The following RBPMS variants were observed in gnomAD, a reference collection of about 807,000 sequenced individuals.
RBPMS encodes RNA binding protein, mRNA processing factor, also known as RNA-binding protein with multiple splicing.
A neutral mutation model predicts 26.8 loss-of-function variants in RBPMS; 7 were observed. That is an observed-to-expected ratio of 0.26 (90% CI 0.15 to 0.49). The LOEUF (loss-of-function observed/expected upper bound fraction) is 0.49, where lower values mean the gene tolerates loss of function less well. RBPMS is among the 20% of genes least tolerant of loss of function. The pLI is 0.98. For missense variants in RBPMS, 186 were observed against 250.0 expected, an observed-to-expected ratio of 0.74 and a Z score of 1.73; for synonymous variants, 96 against 93.3, an observed-to-expected ratio of 1.03 and a Z score of -0.17.
At chr8:30,445,775 C>A (rs1471828355) in intron 1 of RBPMS, among the ~76,000 whole-genome samples, 2 of 151,470 alleles carry the variant, frequency 1.3e-5, no homozygotes, top group African/African-American at 4.9e-5. Context: ...TCCAGCGAGC[C>A]TATATCACCT....
At chr8:30,453,618 T>C (rs1046041753) in intron 1 of RBPMS, 2 of 152,346 alleles carry the variant, frequency 1.3e-5, no homozygotes, top group Non-Finnish European at 2.9e-5. Context: ...ACTGCAGAAG[T>C]ACCTTATAAA....
intron 8 of RBPMS, among the ~76,000 whole-genome samples, chr8:30,567,278 C>A (rs1258056688): frequency 6.6e-6 from 1 of 152,186 alleles, no homozygotes; most frequent in Non-Finnish European, 1.5e-5. Flanking sequence ...TCCGACGATA[C>A]CTCTCAGTGC....
chr8:30,524,276 T>C (rs60230423), intron 5 of RBPMS, among the ~76,000 whole-genome samples: 2 of 152,216 alleles, frequency 1.3e-5, no homozygotes, highest in Non-Finnish European at 2.9e-5. Flanking sequence ...TATTGTCTTT[T>C]GGTTATGTTA....
At chr8:30,478,937 C>T (rs1387374099) in intron 3 of RBPMS, among the ~76,000 whole-genome samples, 1 of 152,162 alleles carries the variant, frequency 6.6e-6, no homozygotes, top group East Asian at 1.9e-4. Flanking sequence ...AAAGGTGATT[C>T]GGTTCTCTTT....
intron 6 of RBPMS, chr8:30,545,458 A>G (rs1825794551): frequency 9.9e-7 from 1 of 1,006,134 alleles, no homozygotes; most frequent in Admixed American, 5.7e-5. Flanking sequence ...ACCAGTAACA[A>G]ATAGAAAGTA....
chr8:30,549,450 A>G (rs1310813069), intron 6 of RBPMS: 1 of 1,480,864 alleles, frequency 6.8e-7, no homozygotes, highest in Non-Finnish European at 9.4e-7. Context: ...TTTCAGACAT[A>G]AATGAAATTG....
At chr8:30,430,184 C>T (rs1811775243) in intron 1 of RBPMS, among the ~76,000 whole-genome samples, 1 of 152,106 alleles carries the variant, frequency 6.6e-6, no homozygotes, top group Non-Finnish European at 1.5e-5. Context: ...CATGCCACTG[C>T]ACTCCAGCCT....
chr8:30,551,909 C>A (rs1425151190), intron 6 of RBPMS, among the ~76,000 whole-genome samples: 3 of 152,144 alleles, frequency 2.0e-5, no homozygotes, highest in African/African-American at 7.2e-5. Context: ...GTTTATTTTG[C>A]AGAAAACAGT....
chr8:30,475,284 A>C (rs1459545643), intron 2 of RBPMS, among the ~76,000 whole-genome samples: 1 of 152,240 alleles, frequency 6.6e-6, no homozygotes, highest in African/African-American at 2.4e-5. Flanking sequence ...TATTTAATGC[A>C]GTTACCTGTC....
rs888183350 is a variant in RBPMS at position 30,384,829 on chromosome 8, G to C, written c.-264G>C. The C allele has an allele frequency of 1.1e-4, 33 of 305,180 alleles. No individual in the cohort carries two copies. The highest frequency in any genetic ancestry group is 6.0e-6 in the Non-Finnish European group (1 of 167,762). The allele number at this position is 305,180 out of a possible 1,614,324, so 18.9% of individuals were successfully genotyped here. A position where few individuals can be genotyped will look rare whatever the true frequency, so the allele number is the denominator to read the frequency against. ...CGCCCTCCCGGGGCCCGATTGTCTC[G>C]GTGCCCCGCTCCCGGCCCGCGCCCT... On this transcript the variant is annotated 5_prime_UTR_variant, in exon 1 of 9. Coordinates refer to ENST00000397323, the MANE Select transcript of RBPMS (RefSeq NM_001008710.3). This position sits in a 1 kb window ranked among gnomAD's most constrained non-coding sequence, Gnocchi z 5.6.
At chr8:30,477,659 G>C in intron 2 of RBPMS, 140 bp from the exon 3 acceptor site, 1 of 611,812 alleles carries the variant, frequency 1.6e-6, no homozygotes, top group East Asian at 2.8e-5. Context: ...GCACATGCAT[G>C]TGTGTAATTT....
intron 1 of RBPMS, 67 bp downstream of exon 1, chr8:30,385,225 G>T (rs1302930892): frequency 3.6e-5 from 42 of 1,164,556 alleles, no homozygotes; most frequent in Non-Finnish European, 4.7e-5. Flanking sequence ...GGCGGGGCGC[G>T]GGCCCGGGGC....
chr8:30,520,361 T>C (rs1194192311), intron 5 of RBPMS, among the ~76,000 whole-genome samples: 1 of 152,204 alleles, frequency 6.6e-6, no homozygotes, highest in Admixed American at 6.5e-5. Context: ...GTTGTTGTTA[T>C]TGTTTCCCCT....
intron 6 of RBPMS, chr8:30,547,569 A>G: frequency 8.1e-7 from 1 of 1,231,492 alleles, no homozygotes; most frequent in Non-Finnish European, 1.1e-6. Context: ...ATTTTGGAGC[A>G]AAGGTGTTAC....
intron 5 of RBPMS, among the ~76,000 whole-genome samples, chr8:30,535,809 T>C (rs1282560793): frequency 6.6e-6 from 1 of 152,172 alleles, no homozygotes; most frequent in Non-Finnish European, 1.5e-5. Flanking sequence ...ACAGCACAGT[T>C]AGGTGTATTG....
intron 5 of RBPMS, among the ~76,000 whole-genome samples, chr8:30,533,315 ACT>A: frequency 6.6e-6 from 1 of 152,294 alleles, no homozygotes; most frequent in Middle Eastern, 3.4e-3. Flanking sequence ...AAGGAAAGCA[ACT>A]CTCAGGCAAC....
intron 1 of RBPMS, among the ~76,000 whole-genome samples, chr8:30,438,415 G>A (rs1291017821): frequency 6.6e-6 from 1 of 152,182 alleles, no homozygotes; most frequent in Non-Finnish European, 1.5e-5. Context: ...CAAGGAAGGA[G>A]GAAAAATAGC....
chr8:30,524,963 TG>T (rs1823427459), intron 5 of RBPMS, among the ~76,000 whole-genome samples: 1 of 152,198 alleles, frequency 6.6e-6, no homozygotes, highest in African/African-American at 2.4e-5. Context: ...ATACCATTTT[TG>T]CTAGCACTTT....
intron 1 of RBPMS, among the ~76,000 whole-genome samples, chr8:30,414,148 C>T (rs1348837650): frequency 6.7e-6 from 1 of 149,108 alleles, no homozygotes; most frequent in Non-Finnish European, 1.5e-5. Flanking sequence ...GAACAACAGG[C>T]AGTGGGTCAT....
Sources: gnomAD v4.1 joint callset for allele counts (sites outside exome capture counted in the v4.1 genomes callset) on GRCh38, gnomAD v4.1.1 for gene constraint, Gnocchi (gnomAD v3.1) non-coding constraint, MANE v1.5 for transcripts, NCBI Gene and HGNC (gene_info 2026-07-23, HGNC 2026-07-21) for gene names.